The following NAV3 variants were observed in gnomAD, a reference collection of about 807,000 sequenced individuals.
The protein encoded by NAV3 is pore membrane and/or filament interacting like protein 1.
In NAV3, 87 loss-of-function variants were observed where a neutral mutation model predicts 244.7. That is an observed-to-expected ratio of 0.36 (90% CI 0.30 to 0.42). The LOEUF (loss-of-function observed/expected upper bound fraction) is 0.42. NAV3 is among the 20% of genes least tolerant of loss of function. The pLI is 1.00. For synonymous variants in NAV3, 1,126 were observed against 1,042.2 expected (o/e 1.08, Z -1.55); for missense variants, 2,663 against 2,893.3 (o/e 0.92, Z 1.83).
chr12:77,661,180 G>A (rs1369337000), intron 2 of NAV3, among the ~76,000 whole-genome samples: 3 of 152,034 alleles, frequency 2.0e-5, no homozygotes, highest in Non-Finnish European at 2.9e-5. Context: ...CATTGTGGAC[G>A]TACCGTTTTA....
chr12:77,633,391 C>G (rs1033657071), intron 2 of NAV3, among the ~76,000 whole-genome samples: 3 of 151,986 alleles, frequency 2.0e-5, no homozygotes, highest in African/African-American at 7.2e-5. Context: ...TTTCCTGAAG[C>G]TAATCTATAA....
At chr12:77,839,059 A>C (rs754976383) in intron 1 of NAV3, among the ~76,000 whole-genome samples, 7 of 152,148 alleles carry the variant, frequency 4.6e-5, no homozygotes, top group Non-Finnish European at 1.0e-4. Context: ...GACATTTAGA[A>C]CTGATAACTC....
At chr12:77,743,634 TA>T (rs1868389117) in intron 2 of NAV3, among the ~76,000 whole-genome samples, 1 of 151,850 alleles carries the variant, frequency 6.6e-6, no homozygotes, top group African/African-American at 2.4e-5. Flanking sequence ...AAAAAAGGAA[TA>T]AACTGCTGAT....
intron 2 of NAV3, among the ~76,000 whole-genome samples, chr12:77,637,738 CTAATT>C (rs1872217814): frequency 6.6e-6 from 1 of 152,024 alleles, no homozygotes; most frequent in Non-Finnish European, 1.5e-5. Context: ...TTCTAAATGC[CTAATT>C]TAATAGTTCA....
chr12:78,160,111 A>C (rs1024507644), intron 23 of NAV3, among the ~76,000 whole-genome samples: 1 of 152,216 alleles, frequency 6.6e-6, no homozygotes, highest in Non-Finnish European at 1.5e-5. Flanking sequence ...ATCTAGGGAT[A>C]TCACCTTTGA....
chr12:78,072,095 A>G (rs1261361478), intron 12 of NAV3, among the ~76,000 whole-genome samples: 1 of 152,064 alleles, frequency 6.6e-6, no homozygotes, highest in Non-Finnish European at 1.5e-5. Flanking sequence ...AAAGATCCAA[A>G]ATTGACACCC....
Position 77,719,720 on chromosome 12 carries a change from A to G in NAV3, c.72+147454A>G, listed in dbSNP as rs556096657. Among the ~76,000 whole-genome samples, 7 of 152,086 alleles carry G rather than the reference A, an allele frequency of 4.6e-5. No homozygotes were observed. The South Asian group carries it at 1.2e-3, about 27-fold the overall frequency. On this transcript the variant is annotated intron_variant, in intron 2 of 8. Coordinates refer to the NAV3 transcript ENST00000550042. ...CTAGCATTTTGTTGAGGATTTTTGG[A>G]TTGATATTATTCAGTGATAATGACC...
intron 11 of NAV3, among the ~76,000 whole-genome samples, chr12:78,054,465 G>A (rs1056720877): frequency 1.4e-4 from 21 of 152,110 alleles, no homozygotes; most frequent in African/African-American, 4.8e-4. Context: ...TTACTAAACA[G>A]TCATAGAACA....
At chr12:77,935,665 T>A (rs1028765733) in intron 1 of NAV3, among the ~76,000 whole-genome samples, 1 of 152,316 alleles carries the variant, frequency 6.6e-6, no homozygotes, top group South Asian at 2.1e-4. Flanking sequence ...TAGTCTGTTT[T>A]CACACTGCTA....
At chr12:78,022,077 A>G (rs1877248923) in intron 9 of NAV3, among the ~76,000 whole-genome samples, 1 of 152,162 alleles carries the variant, frequency 6.6e-6, no homozygotes, top group South Asian at 2.1e-4. Flanking sequence ...AGAAGTGAAG[A>G]CTTTAAGTCA....
At chr12:77,698,826 A>G (rs1875429850) in intron 2 of NAV3, among the ~76,000 whole-genome samples, 1 of 152,166 alleles carries the variant, frequency 6.6e-6, no homozygotes, top group Non-Finnish European at 1.5e-5. Context: ...ATGCTAGTAA[A>G]TAATTTTAAA....
chr12:77,712,199 T>C (rs1388366125), intron 2 of NAV3, among the ~76,000 whole-genome samples: 7 of 152,154 alleles, frequency 4.6e-5, no homozygotes, highest in African/African-American at 1.4e-4. Flanking sequence ...GGTTATATTT[T>C]TGTGAACATA....
chr12:78,205,798 A>T (rs1156271338), intron 39 of NAV3, among the ~76,000 whole-genome samples: 1 of 152,158 alleles, frequency 6.6e-6, no homozygotes, highest in Non-Finnish European at 1.5e-5. Flanking sequence ...ATTGGTATCA[A>T]ATGTGAAGTG....
intron 2 of NAV3, among the ~76,000 whole-genome samples, chr12:77,731,901 G>A (rs1209699247): frequency 6.6e-6 from 1 of 151,978 alleles, no homozygotes; most frequent in East Asian, 1.9e-4. Flanking sequence ...ACCAGGGGCA[G>A]AGGAAAGACA....
intron 39 of NAV3, 113 bp from the exon 40 acceptor site, chr12:78,210,283 CCT>C (rs1960771183): frequency 1.6e-5 from 23 of 1,465,618 alleles, no homozygotes; most frequent in Non-Finnish European, 2.0e-5. Flanking sequence ...ATTATTTTCC[CCT>C]GTTACTTGGA....
chr12:77,883,592 A>C (rs1040136838), intron 1 of NAV3, among the ~76,000 whole-genome samples: 1 of 152,156 alleles, frequency 6.6e-6, no homozygotes, highest in African/African-American at 2.4e-5. Flanking sequence ...CTAAAATAAA[A>C]GTTGAATTTT....
intron 26 of NAV3, 97 bp from the exon 27 acceptor site, chr12:78,177,044 A>G: frequency 8.4e-7 from 1 of 1,184,772 alleles, no homozygotes; most frequent in Admixed American, 1.9e-5. Context: ...TACTGACCCC[A>G]GGCAGTGGCT....
At chr12:77,691,988 T>G (rs1378998720) in intron 2 of NAV3, among the ~76,000 whole-genome samples, 1 of 151,986 alleles carries the variant, frequency 6.6e-6, no homozygotes, top group Non-Finnish European at 1.5e-5. Context: ...CTTTTAACCC[T>G]ATGGCATCAC....
At chr12:78,068,698 C>T (rs1210717562) in intron 12 of NAV3, among the ~76,000 whole-genome samples, 2 of 148,200 alleles carry the variant, frequency 1.3e-5, no homozygotes, top group African/African-American at 4.9e-5. Flanking sequence ...ATAAATCTGT[C>T]ATTATCTTGA....
Sources: allele counts gnomAD v4.1 joint callset (sites outside exome capture counted in the v4.1 genomes callset), GRCh38; gene constraint gnomAD v4.1.1; transcripts MANE v1.5; gene names NCBI Gene and HGNC (gene_info 2026-07-23, HGNC 2026-07-21).